NT5E: variants seen among roughly 807,000 people sequenced by gnomAD.
NT5E encodes the protein 5'-nucleotidase.
Under a neutral mutation model 55.1 loss-of-function variants are expected in NT5E, and 53 were observed. That is an observed-to-expected ratio of 0.96 (90% CI 0.77 to 1.21). NT5E has a LOEUF of 1.21. NT5E is among the 50% of genes most tolerant of loss of function. The probability of loss-of-function intolerance (pLI) is 0.00; values close to 1 mark genes in which losing one functional copy is unlikely to be tolerated. For synonymous variants in NT5E, 270 were observed against 278.4 expected (o/e 0.97, Z 0.30); for missense variants, 683 against 724.3 (o/e 0.94, Z 0.65).
intron 2 of NT5E, among the ~76,000 whole-genome samples, chr6:85,468,593 T>C (rs527470763): frequency 1.3e-5 from 2 of 152,230 alleles, no homozygotes; most frequent in African/African-American, 4.8e-5. Flanking sequence ...GATGAATACA[T>C]GAGAGCAGGA....
rs555361031 is a variant in NT5E at position 85,466,820 on chromosome 6, T to G, written c.340-240T>G. Among the ~76,000 whole-genome samples the G allele has an allele frequency of 2.0e-5, 3 of 152,246 alleles. No homozygotes were observed. In the East Asian group the frequency reaches 5.8e-4, roughly 29 times the overall value. ...CTGAGATGGTGGGACAGTGGACCCCTGGCCAGCTCTCCAGGTGTTGCGTAT... is the reference window on the plus strand; with the variant it reads ...CTGAGATGGTGGGACAGTGGACCCCGGGCCAGCTCTCCAGGTGTTGCGTAT... On this transcript the variant is annotated intron_variant, in intron 1 of 8. Coordinates refer to ENST00000257770, the MANE Select transcript of NT5E (RefSeq NM_002526.4).
intron 2 of NT5E, among the ~76,000 whole-genome samples, chr6:85,468,838 C>G (rs997745453): frequency 3.3e-5 from 5 of 152,132 alleles, no homozygotes; most frequent in African/African-American, 1.2e-4. Flanking sequence ...CCAGCTGGGA[C>G]TCTGACCAGC....
rs1582391115 is a variant in NT5E, at chr6:85,494,857, T to C, written c.*853T>C. The C allele has an allele frequency of 1.3e-5, 2 of 152,200 alleles. No individual in the cohort carries two copies. Among genetic ancestry groups the C allele is most frequent in the African/African-American group, 4.8e-5 (2 of 41,452 alleles). The allele number at this position is 152,200 out of a possible 1,614,324, so 9.4% of individuals were successfully genotyped here. On this transcript the variant is annotated 3_prime_UTR_variant, in exon 9 of 9. Transcript: ENST00000257770. ...AGGACTCCAGGACTGTTTTATATTATAGAAAAGCAAGAGCTAAAGAGCATT... is the reference window on the plus strand; with the variant it reads ...AGGACTCCAGGACTGTTTTATATTACAGAAAAGCAAGAGCTAAAGAGCATT...
chr6:85,489,579 C>G lies in NT5E; in HGVS notation c.1190C>G (p.Pro397Arg). Residue 397 changes from proline to arginine, a missense_variant, in exon 6 of 9, where the codon CCC becomes CGC. Coordinates refer to ENST00000257770, the MANE Select transcript of NT5E (RefSeq NM_002526.4). ...CILNGGGIRS[P>R]IDERNNGTIT... ...TTAAATGGAGGTGGTATCCGGTCGC[C>G]CATTGATGAACGCAACAATGGTATG... 1.2e-6 allele frequency: 2 copies of G among 1,613,528 alleles called. No individual in the cohort carries two copies. Among genetic ancestry groups the G allele is most frequent in the South Asian group, 2.2e-5 (2 of 91,006 alleles).
chr6:85,483,450 C>T (rs1769588452), intron 3 of NT5E, among the ~76,000 whole-genome samples: 13 of 152,256 alleles, frequency 8.5e-5, no homozygotes, highest in Admixed American at 8.5e-4. Flanking sequence ...GCTGGTCTTC[C>T]ATTATCACGT....
intron 1 of NT5E, among the ~76,000 whole-genome samples, chr6:85,455,618 C>A (rs1451769395): frequency 6.6e-6 from 1 of 152,114 alleles, no homozygotes; most frequent in East Asian, 1.9e-4. Flanking sequence ...GCTGTCCTAG[C>A]AAGTTAATTG....
At chr6:85,489,957 A>G (rs969409587) in intron 6 of NT5E, among the ~76,000 whole-genome samples, 2 of 152,186 alleles carry the variant, frequency 1.3e-5, no homozygotes, top group African/African-American at 4.8e-5. Flanking sequence ...AGACAAAATC[A>G]CCAATCTTCT....
chr6:85,467,074 T>C lies in NT5E; in HGVS notation c.354T>C (p.His118=). Residue 118 remains histidine (H), a synonymous_variant, in exon 2 of 9, where the codon CAT becomes CAC. Transcript: ENST00000257770. Reference sequence around the variant, plus strand: ...GTTTTATCTAGGCACTGGGAAATCATGAATTTGATAATGGTGTGGAAGGAC... The same window carrying C: ...GTTTTATCTAGGCACTGGGAAATCACGAATTTGATAATGGTGTGGAAGGAC... ...LRYDAMALGN[H]EFDNGVEGLI... 1 of 1,614,086 alleles carries C rather than the reference T, an allele frequency of 6.2e-7. No homozygotes were observed. Among genetic ancestry groups the C allele is most frequent in the Non-Finnish European group, 8.5e-7 (1 of 1,179,976 alleles).
chr6:85,451,684 G>A (rs755478800), intron 1 of NT5E, among the ~76,000 whole-genome samples: 3 of 152,198 alleles, frequency 2.0e-5, no homozygotes, highest in Non-Finnish European at 2.9e-5. Flanking sequence ...GTGTGGAAGG[G>A]AAAGGGAAGT....
intron 4 of NT5E, 80 bp from the exon 5 acceptor site, chr6:85,487,255 T>C (rs1328433802): frequency 7.2e-6 from 9 of 1,250,258 alleles, no homozygotes; most frequent in Non-Finnish European, 1.1e-5. Context: ...GCAAGTAAGA[T>C]AGATGATGTT....
chr6:85,491,844 C>A (rs555942246), intron 7 of NT5E, 133 bp from the exon 8 acceptor site: 4 of 784,928 alleles, frequency 5.1e-6, no homozygotes, highest in East Asian at 2.5e-5. Context: ...ATTCTCTTGA[C>A]AAAATTTCAC....
chr6:85,484,984 A>G (rs1449012803), intron 3 of NT5E, among the ~76,000 whole-genome samples: 3 of 152,222 alleles, frequency 2.0e-5, no homozygotes, highest in African/African-American at 7.2e-5. Flanking sequence ...CCACAGCACA[A>G]GCACAATGCC....
intron 3 of NT5E, among the ~76,000 whole-genome samples, chr6:85,482,224 G>A (rs529061763): frequency 2.6e-5 from 4 of 152,252 alleles, no homozygotes; most frequent in East Asian, 3.9e-4. Context: ...GGCCAGGTGC[G>A]TGGCTCATGC....
At chr6:85,453,753 G>A (rs1768936451) in intron 1 of NT5E, among the ~76,000 whole-genome samples, 1 of 152,128 alleles carries the variant, frequency 6.6e-6, no homozygotes, top group Non-Finnish European at 1.5e-5. Flanking sequence ...TCCTAAATGG[G>A]GGAGGCAGCA....
At chr6:85,479,857 C>T (rs1375546239) in intron 3 of NT5E, among the ~76,000 whole-genome samples, 1 of 152,092 alleles carries the variant, frequency 6.6e-6, no homozygotes, top group Non-Finnish European at 1.5e-5. Flanking sequence ...TATTTTTAAA[C>T]ATTGCTTTAT....
intron 5 of NT5E, among the ~76,000 whole-genome samples, chr6:85,489,184 GGCCACCTT>G (rs1419135106): frequency 6.6e-6 from 1 of 152,150 alleles, no homozygotes; most frequent in Non-Finnish European, 1.5e-5. Flanking sequence ...TGACTCTGCA[GGCCACCTT>G]GCATGGGAGG....
intron 2 of NT5E, 73 bp from the exon 3 acceptor site, chr6:85,471,164 A>C: frequency 1.9e-6 from 2 of 1,034,566 alleles, no homozygotes; most frequent in Non-Finnish European, 2.8e-6. Context: ...TAACCTTTGC[A>C]TGTTAATATG....
chr6:85,454,024 A>G (rs147599928), intron 1 of NT5E, among the ~76,000 whole-genome samples: 2 of 152,222 alleles, frequency 1.3e-5, no homozygotes, highest in Admixed American at 6.5e-5. Context: ...TGATTTGTCC[A>G]TGTTGCCCTA....
In NT5E at chr6:85,481,910, A is replaced by T. The variant is rs1411995038; in HGVS notation, c.752-3325A>T. On this transcript the variant is annotated intron_variant, in intron 3 of 8. Coordinates refer to ENST00000257770, the MANE Select transcript of NT5E (RefSeq NM_002526.4). The stretch of plus-strand genomic sequence containing the variant: ...AGAAGCATAGAAGAGACCTACAGAG[A>T]CTAGGAAGCTGTCACAGTAACCTAG... Among the ~76,000 whole-genome samples, 5 of 152,342 alleles carry T rather than the reference A, an allele frequency of 3.3e-5. No homozygotes were observed. In the East Asian group the frequency reaches 9.6e-4, roughly 29 times the overall value.
Sources: allele counts gnomAD v4.1 joint callset (sites outside exome capture counted in the v4.1 genomes callset), GRCh38; gene constraint gnomAD v4.1.1; transcripts MANE v1.5; gene names NCBI Gene and HGNC (gene_info 2026-07-23, HGNC 2026-07-21).